The following TANGO6 variants were observed in gnomAD, a reference collection of about 807,000 sequenced individuals.
TANGO6 encodes the protein transport and golgi organization 6 homolog.
TANGO6 carries 90 observed loss-of-function variants against 114.2 expected under a neutral mutation model. That is an observed-to-expected ratio of 0.79 (90% CI 0.66 to 0.94). The LOEUF (loss-of-function observed/expected upper bound fraction) is 0.94. Ranked by LOEUF, TANGO6 falls within the 40% of genes least tolerant of loss-of-function variation. TANGO6 has a pLI of 0.00. For missense variants in TANGO6, 1,274 were observed against 1,315.3 expected (o/e 0.97, Z 0.49); for synonymous variants, 477 against 509.8 (o/e 0.94, Z 0.87).
intron 15 of TANGO6, among the ~76,000 whole-genome samples, chr16:69,019,034 C>T (rs933063461): frequency 6.6e-6 from 1 of 152,208 alleles, no homozygotes; most frequent in African/African-American, 2.4e-5. Context: ...TTCACTTTAA[C>T]AATGTCTTGA....
chr16:68,946,817 T>C (rs113553921), intron 14 of TANGO6, among the ~76,000 whole-genome samples: 15 of 152,352 alleles, frequency 9.8e-5, no homozygotes, highest in African/African-American at 3.4e-4. Context: ...TCTCTTTCAT[T>C]GCTTGCACTT....
chr16:69,082,418 A>T (rs533955434), intron 17 of TANGO6, among the ~76,000 whole-genome samples: 7 of 151,994 alleles, frequency 4.6e-5, no homozygotes, highest in Non-Finnish European at 1.0e-4. Flanking sequence ...ACAGATTTTT[A>T]AAGTAGGGGC....
At chr16:68,897,060 C>T (rs920874384) in intron 7 of TANGO6, among the ~76,000 whole-genome samples, 14 of 152,092 alleles carry the variant, frequency 9.2e-5, no homozygotes, top group African/African-American at 2.4e-4. Context: ...CACACCACTA[C>T]GTCCAGCTAA....
At chr16:68,891,165 A>T (rs1474245909) in intron 7 of TANGO6, among the ~76,000 whole-genome samples, 1 of 141,146 alleles carries the variant, frequency 7.1e-6, no homozygotes, top group African/African-American at 2.7e-5. Context: ...GGTGGCTCAT[A>T]CCTATAATCC....
At chr16:68,988,466 C>T (rs1963917039) in intron 15 of TANGO6, among the ~76,000 whole-genome samples, 1 of 152,210 alleles carries the variant, frequency 6.6e-6, no homozygotes, top group Non-Finnish European at 1.5e-5. Flanking sequence ...CCTCTTCTCT[C>T]TTCCATGCAC....
intron 7 of TANGO6, among the ~76,000 whole-genome samples, chr16:68,887,747 C>T (rs367709605): frequency 6.6e-6 from 1 of 151,998 alleles, no homozygotes; most frequent in South Asian, 2.1e-4. Flanking sequence ...GGCGTGGTGG[C>T]TCGTGCCTGT....
At chr16:68,848,393 C>T (rs934237200) in intron 1 of TANGO6, among the ~76,000 whole-genome samples, 2 of 151,898 alleles carry the variant, frequency 1.3e-5, no homozygotes, top group Non-Finnish European at 2.9e-5. Flanking sequence ...AATTTCACTA[C>T]CCAGAGGGTA....
intron 17 of TANGO6, among the ~76,000 whole-genome samples, chr16:69,080,920 T>C (rs137909004): frequency 0.031 from 4,682 of 152,134 alleles, 103 homozygotes; most frequent in Non-Finnish European, 0.041. Context: ...GGGCAGATCA[T>C]GAGGTCAGGA....
rs1442679596 is a variant in TANGO6, at chr16:68,878,166, CAG to C, written c.1185_1186del (p.Arg395SerfsTer42). 1.7e-5 allele frequency: 27 copies of C among 1,611,900 alleles called. No individual in the cohort carries two copies. Among genetic ancestry groups the C allele is most frequent in the Non-Finnish European group, 2.3e-5 (27 of 1,179,254 alleles). The stretch of plus-strand genomic sequence containing the variant: ...AGATAAATTGACAGCACGACAATTT[CAG>C]AGAGTTGCCACCACTACCTTTATAA... ...FQDKLTARQF[Q>X]RVATTTFITL... On this transcript the variant is annotated frameshift_variant, in exon 6 of 18. Coordinates refer to ENST00000261778, the MANE Select transcript of TANGO6 (RefSeq NM_024562.2). LOFTEE classifies it high-confidence loss of function.
intron 17 of TANGO6, among the ~76,000 whole-genome samples, chr16:69,041,548 A>G (rs1567564177): frequency 6.6e-6 from 1 of 152,054 alleles, no homozygotes; most frequent in Non-Finnish European, 1.5e-5. Flanking sequence ...ATTTTTGTAC[A>G]GGCAGGGACT....
At chr16:68,885,677 T>C (rs1189957737) in intron 7 of TANGO6, 1 of 152,372 alleles carries the variant, frequency 6.6e-6, no homozygotes, top group Non-Finnish European at 1.5e-5. Context: ...TGGAGCATGA[T>C]GTTTTTAAGG....
At chr16:69,017,960 A>G (rs1959330751) in intron 15 of TANGO6, among the ~76,000 whole-genome samples, 1 of 149,226 alleles carries the variant, frequency 6.7e-6, no homozygotes, top group African/African-American at 2.5e-5. Flanking sequence ...CTGGAGTGCA[A>G]TGGCGTGATC....
chr16:69,003,892 A>G (rs1438547777), intron 15 of TANGO6, among the ~76,000 whole-genome samples: 1 of 151,806 alleles, frequency 6.6e-6, no homozygotes, highest in Non-Finnish European at 1.5e-5. Flanking sequence ...CTTCATATCC[A>G]TAACTTTCTA....
chr16:69,048,684 A>G (rs901505043), intron 17 of TANGO6, among the ~76,000 whole-genome samples: 2 of 152,212 alleles, frequency 1.3e-5, no homozygotes, highest in African/African-American at 4.8e-5. Context: ...TTCACCATTA[A>G]TACTGGAGAT....
At chr16:68,930,083 A>G (rs951213262) in intron 13 of TANGO6, among the ~76,000 whole-genome samples, 155 bp from the exon 14 acceptor site, 2 of 152,138 alleles carry the variant, frequency 1.3e-5, no homozygotes, top group African/African-American at 2.4e-5. Flanking sequence ...ACTTAAGCAT[A>G]TATGCCATTT....
intron 3 of TANGO6, among the ~76,000 whole-genome samples, chr16:68,865,741 C>T (rs35962549): frequency 1.5e-5 from 2 of 136,276 alleles, no homozygotes. Flanking sequence ...AACCCCATCT[C>T]TACTAAAAAT....
At chr16:68,978,739 C>T (rs937246947) in intron 15 of TANGO6, among the ~76,000 whole-genome samples, 3 of 151,884 alleles carry the variant, frequency 2.0e-5, no homozygotes, top group Admixed American at 6.6e-5. Flanking sequence ...TGGGAGAATG[C>T]GGCCCACCCG....
intron 11 of TANGO6, 148 bp from the exon 12 acceptor site, chr16:68,918,937 C>T (rs1963049945): frequency 1.1e-6 from 1 of 917,342 alleles, no homozygotes; most frequent in South Asian, 1.9e-5. Flanking sequence ...CTGAACATCA[C>T]ATCTGCATGG....
At chr16:68,854,939 G>T (rs1338817163) in intron 1 of TANGO6, among the ~76,000 whole-genome samples, 1 of 151,656 alleles carries the variant, frequency 6.6e-6, no homozygotes, top group African/African-American at 2.4e-5. Context: ...CTGCAAAAAG[G>T]TCTGTTGAGA....
Sources: allele counts gnomAD v4.1 joint callset (sites outside exome capture counted in the v4.1 genomes callset), GRCh38; gene constraint gnomAD v4.1.1; transcripts MANE v1.5; gene names NCBI Gene and HGNC (gene_info 2026-07-23, HGNC 2026-07-21).